The following ATP2B2 variants were observed in gnomAD, a reference collection of about 807,000 sequenced individuals.
The protein encoded by ATP2B2 is ATPase plasma membrane Ca2+ transporting 2.
A neutral mutation model predicts 120.0 loss-of-function variants in ATP2B2; 15 were observed. The observed-to-expected ratio is 0.12, with a 90% CI of 0.08 to 0.19. ATP2B2 has a LOEUF of 0.19. ATP2B2 is among the 10% of genes least tolerant of loss of function. The pLI is 1.00. For synonymous variants in ATP2B2, 694 were observed against 700.3 expected (o/e 0.99, Z 0.14); for missense variants, 1,045 against 1,719.8 (o/e 0.61, Z 6.94).
rs1278447829 is a variant in ATP2B2 at position 10,343,063 on chromosome 3, AG to A, written c.2704-99del. On this transcript the variant is annotated intron_variant, in intron 18 of 22. Coordinates refer to ENST00000360273, the MANE Select transcript of ATP2B2 (RefSeq NM_001001331.4). This position sits in a 1 kb window ranked among gnomAD's most constrained non-coding sequence, Gnocchi z 4.2. ...TGTAGTGTCCGCAGGCTCCTGCTGG[AG>A]GCTGGAGTCCGACCTGCCCCTTGGC... is the stretch of plus-strand genomic sequence containing the variant. The A allele has an allele frequency of 1.4e-5, 18 of 1,325,098 alleles. No homozygotes were observed. Among genetic ancestry groups the A allele is most frequent in the Non-Finnish European group, 1.9e-5 (18 of 938,524 alleles). 82.1% of individuals were successfully genotyped at this position (1,325,098 alleles called of 1,614,324 possible).
chr3:10,676,278 T>C (rs1165338535), intron 1 of ATP2B2, among the ~76,000 whole-genome samples: 1 of 152,168 alleles, frequency 6.6e-6, no homozygotes, highest in Non-Finnish European at 1.5e-5. Flanking sequence ...GGACCTCAGC[T>C]GGATCCCCTT....
intron 2 of ATP2B2, among the ~76,000 whole-genome samples, chr3:10,558,674 A>G (rs538922965): frequency 3.3e-5 from 5 of 152,204 alleles, no homozygotes; most frequent in African/African-American, 9.6e-5. Context: ...TAACCCTTAA[A>G]CCCCTTTGTG....
rs58615119 is a variant in ATP2B2 at position 10,382,197 on chromosome 3, A to ATTTTTTTTTTTT, written c.1001-2925_1001-2914dup. On this transcript the variant is annotated intron_variant, in intron 8 of 22. Transcript: ENST00000360273. ...TGTGCCACTATACCCAGCTAATTAA[A>ATTTTTTTTTTTT]TTTTTTTTTTTTTTTTTTTGTAGAG... 3.4e-4 allele frequency among the ~76,000 whole-genome samples: 41 copies of ATTTTTTTTTTTT among 122,304 alleles called. 1 individual carries two copies. Among genetic ancestry groups the ATTTTTTTTTTTT allele is most frequent in the African/African-American group, 5.7e-4 (17 of 29,926 alleles). 80.2% of individuals were successfully genotyped at this position (122,304 alleles called of 152,430 possible).
chr3:10,434,637 C>A (rs191912166), intron 2 of ATP2B2, among the ~76,000 whole-genome samples: 1 of 152,372 alleles, frequency 6.6e-6, no homozygotes, highest in Admixed American at 6.5e-5. Flanking sequence ...TGAGGCCACA[C>A]AGTGAGTGAG....
intron 2 of ATP2B2, among the ~76,000 whole-genome samples, chr3:10,603,398 TGAG>T (rs1317578918): frequency 6.6e-6 from 1 of 152,252 alleles, no homozygotes; most frequent in East Asian, 1.9e-4. Context: ...TGACAGCAGA[TGAG>T]GAGTCTTAAA....
At chr3:10,345,307 G>A in intron 18 of ATP2B2, 77 bp downstream of exon 18, 1 of 1,528,584 alleles carries the variant, frequency 6.5e-7, no homozygotes, top group Non-Finnish European at 9.0e-7. Flanking sequence ...ACAACCTGGA[G>A]TACCCTAAGG....
At chr3:10,674,808 A>G (rs2071202481) in intron 1 of ATP2B2, among the ~76,000 whole-genome samples, 1 of 152,192 alleles carries the variant, frequency 6.6e-6, no homozygotes, top group Non-Finnish European at 1.5e-5. Flanking sequence ...CCACACAACC[A>G]CAACTCACCC....
chr3:10,379,189 C>T, intron 9 of ATP2B2, 54 bp downstream of exon 9: 1 of 1,579,858 alleles, frequency 6.3e-7, no homozygotes, highest in Non-Finnish European at 8.7e-7. Flanking sequence ...ACTGTCAGAG[C>T]CGGTGGGGAG....
At chr3:10,422,228 G>C (rs2063004608) in intron 2 of ATP2B2, among the ~76,000 whole-genome samples, 1 of 152,230 alleles carries the variant, frequency 6.6e-6, no homozygotes, top group Admixed American at 6.5e-5. Flanking sequence ...GCACACATGG[G>C]TGGCCACGTG....
At chr3:10,603,211 A>G (rs929995156) in intron 2 of ATP2B2, among the ~76,000 whole-genome samples, 3 of 152,216 alleles carry the variant, frequency 2.0e-5, no homozygotes, top group African/African-American at 7.2e-5. Context: ...TAAGAAAATA[A>G]TGACTTCATC....
intron 2 of ATP2B2, among the ~76,000 whole-genome samples, chr3:10,435,598 G>T (rs2063456007): frequency 6.6e-6 from 1 of 152,148 alleles, no homozygotes; most frequent in African/African-American, 2.4e-5. Context: ...CTCAACTTGG[G>T]CTGCCTATGT....
intron 2 of ATP2B2, among the ~76,000 whole-genome samples, chr3:10,573,750 T>G (rs2068181095): frequency 6.6e-6 from 1 of 152,224 alleles, no homozygotes; most frequent in African/African-American, 2.4e-5. Flanking sequence ...CTACTGCTTC[T>G]TTGCTGGTAG....
chr3:10,692,769 G>T (rs1275927542), intron 1 of ATP2B2, among the ~76,000 whole-genome samples: 1 of 152,252 alleles, frequency 6.6e-6, no homozygotes, highest in South Asian at 2.1e-4. Context: ...ACAGCGATAT[G>T]CCCAGGAGCA....
intron 2 of ATP2B2, among the ~76,000 whole-genome samples, chr3:10,613,596 C>T (rs2069300260): frequency 6.6e-6 from 1 of 152,142 alleles, no homozygotes; most frequent in African/African-American, 2.4e-5. Flanking sequence ...TCTAATCTCA[C>T]CCCCAGTGTG....
chr3:10,493,511 G>T (rs1477670786), intron 1 of ATP2B2, among the ~76,000 whole-genome samples: 1 of 152,162 alleles, frequency 6.6e-6, no homozygotes, highest in African/African-American at 2.4e-5. Context: ...CTGCAGAAAG[G>T]AGTCTCGACT....
At chr3:10,577,193 AT>A (rs1037568168) in intron 2 of ATP2B2, among the ~76,000 whole-genome samples, 2 of 152,160 alleles carry the variant, frequency 1.3e-5, no homozygotes, top group African/African-American at 2.4e-5. Context: ...AGTTAGCAGG[AT>A]TCCTGGAGAA....
At chr3:10,491,781 CAA>C (rs1335081076) in intron 1 of ATP2B2, among the ~76,000 whole-genome samples, 2 of 151,780 alleles carry the variant, frequency 1.3e-5, no homozygotes, top group Non-Finnish European at 2.9e-5. Context: ...AAAGAACAAA[CAA>C]GAGAAAGAAA....
rs556206364 is a variant in ATP2B2, at chr3:10,375,436, C to G, written c.1410G>C (p.Ser470=). ...PLAVTISLAY[S]VKKMMKDNNL... ...TGCTCTCCTCCCCTCTCACCTTCACCGAATAGGCCAACGAGATGGTGACGG... is the reference window on the plus strand; with the variant it reads ...TGCTCTCCTCCCCTCTCACCTTCACGGAATAGGCCAACGAGATGGTGACGG... The change falls in exon 11 of 23, where the codon TCG becomes TCC. Residue 470 remains serine (S), a synonymous_variant. Coordinates refer to ENST00000360273, the MANE Select transcript of ATP2B2 (RefSeq NM_001001331.4). The surrounding 1 kb of genome is among the most constrained non-coding windows in gnomAD (Gnocchi z 4.2). 1.2e-6 allele frequency: 2 copies of G among 1,611,700 alleles called. No individual in the cohort carries two copies. The highest frequency in any genetic ancestry group is 1.7e-6 in the Non-Finnish European group (2 of 1,179,650).
At chr3:10,571,776 C>T (rs567865903) in intron 2 of ATP2B2, among the ~76,000 whole-genome samples, 2 of 152,352 alleles carry the variant, frequency 1.3e-5, no homozygotes, top group East Asian at 3.9e-4. Flanking sequence ...TGGGTTCCCA[C>T]TCAGCACCCA....
Sources: allele counts gnomAD v4.1 joint callset (sites outside exome capture counted in the v4.1 genomes callset), GRCh38; gene constraint gnomAD v4.1.1; non-coding constraint Gnocchi (gnomAD v3.1); transcripts MANE v1.5; gene names NCBI Gene and HGNC (gene_info 2026-07-23, HGNC 2026-07-21).